Variants in NBEAL1 observed in about 807,000 individuals in gnomAD.
NBEAL1 encodes neurobeachin-like protein 1.
NBEAL1 carries 273 observed loss-of-function variants against 351.3 expected under a neutral mutation model. That is an observed-to-expected ratio of 0.78 (90% CI 0.70 to 0.86). The LOEUF (loss-of-function observed/expected upper bound fraction) is 0.86. Among genes scored for constraint, NBEAL1 ranks in the 40% least tolerant of loss-of-function variants. The pLI, the probability that NBEAL1 is intolerant of heterozygous loss-of-function variation, is 0.00. For missense variants in NBEAL1, 2,961 were observed against 3,201.3 expected, an observed-to-expected ratio of 0.92 and a Z score of 1.81; for synonymous variants, 1,050 against 1,086.4, an observed-to-expected ratio of 0.97 and a Z score of 0.66.
intron 10 of NBEAL1, among the ~76,000 whole-genome samples, chr2:203,096,344 C>T (rs2062184304): frequency 6.6e-6 from 1 of 152,134 alleles, no homozygotes; most frequent in East Asian, 1.9e-4. Flanking sequence ...TACCTCTATG[C>T]AGTTTATTTT....
chr2:203,114,043 C>T (rs934565998), intron 17 of NBEAL1, among the ~76,000 whole-genome samples: 3 of 152,046 alleles, frequency 2.0e-5, no homozygotes, highest in South Asian at 2.1e-4. Context: ...AGGATGGTCT[C>T]GATCTCCTGA....
At chr2:203,055,587 C>T (rs1465489448) in intron 4 of NBEAL1, among the ~76,000 whole-genome samples, 4 of 148,364 alleles carry the variant, frequency 2.7e-5, no homozygotes, top group East Asian at 2.1e-4. Flanking sequence ...TCTGGGCAAC[C>T]GAGCAAGATC....
chr2:203,098,572 T>A (rs1289621675), intron 11 of NBEAL1, among the ~76,000 whole-genome samples: 1 of 152,180 alleles, frequency 6.6e-6, no homozygotes, highest in African/African-American at 2.4e-5. Flanking sequence ...CATGTTCAGT[T>A]TTTTAATATT....
chr2:203,199,736 C>T (rs1362480367), intron 49 of NBEAL1, among the ~76,000 whole-genome samples: 2 of 152,016 alleles, frequency 1.3e-5, no homozygotes, highest in Non-Finnish European at 2.9e-5. Context: ...CCACCTCAGC[C>T]TCCCCAAGTG....
chr2:203,198,228 G>T (rs1261354102), intron 48 of NBEAL1, among the ~76,000 whole-genome samples: 1 of 151,622 alleles, frequency 6.6e-6, no homozygotes, highest in East Asian at 2.0e-4. Context: ...GCCCAGGTTG[G>T]TCTCAAACTC....
Position 203,193,841 on chromosome 2 carries a change from C to T in NBEAL1, c.6968C>T (p.Pro2323Leu). 1 of 1,612,700 alleles carries T rather than the reference C, an allele frequency of 6.2e-7. No individual in the cohort carries two copies. Among genetic ancestry groups the T allele is most frequent in the Non-Finnish European group, 8.5e-7 (1 of 1,179,270 alleles). The change falls in exon 47 of 56, where the codon CCA becomes CTA. Residue 2323 changes from proline (P) to leucine (L), a missense_variant. Pro to Leu is a moderately conservative substitution (Grantham distance 98). Transcript: ENST00000683969. The part of the protein sequence containing the change: ...RLSAEEAVQK[P>L]TKIDTSTLNL... ...TCAGCAGAAGAAGCAGTGCAGAAGC[C>T]AACCAAAATAGACACTTCAACCCTA...
chr2:203,018,290 T>C (rs2060713984), intron 2 of NBEAL1, among the ~76,000 whole-genome samples: 1 of 152,024 alleles, frequency 6.6e-6, no homozygotes, highest in Non-Finnish European at 1.5e-5. Context: ...TTTCACACTT[T>C]TAATGAGCTT....
At chr2:203,024,958 C>T (rs1007722654) in intron 2 of NBEAL1, among the ~76,000 whole-genome samples, 25 of 152,046 alleles carry the variant, frequency 1.6e-4, no homozygotes, top group African/African-American at 6.0e-4. Context: ...AATGCAAGTC[C>T]TTATATTATT....
Position 203,083,207 on chromosome 2 carries a change from C to T in NBEAL1, c.685-12C>T, listed in dbSNP as rs1329317720. The stretch of plus-strand genomic sequence containing the variant: ...GGTTTAGGTTTCATTTTTATTGTCT[C>T]TAATGTTTCAGAGGAATGCTTTGCA... On this transcript the variant is annotated splice_polypyrimidine_tract_variant and intron_variant, in intron 8 of 55. Coordinates refer to ENST00000683969, the MANE Select transcript of NBEAL1 (RefSeq NM_001378026.1). 6.5e-7 allele frequency: 1 copy of T among 1,544,970 alleles called. No homozygotes were observed. Among genetic ancestry groups the T allele is most frequent in the Non-Finnish European group, 8.7e-7 (1 of 1,143,698 alleles).
chr2:203,016,638 T>C (rs879348810), intron 2 of NBEAL1, among the ~76,000 whole-genome samples: 12 of 152,332 alleles, frequency 7.9e-5, no homozygotes, highest in Non-Finnish European at 1.3e-4. Context: ...TGTTAAAAAC[T>C]GTAGGGTGCG....
At chr2:203,138,549 G>A in intron 30 of NBEAL1, 71 bp from the exon 31 acceptor site, 1 of 1,435,446 alleles carries the variant, frequency 7.0e-7, no homozygotes, top group Non-Finnish European at 9.4e-7. Context: ...TATTAATGTT[G>A]GGGAAAATTG....
intron 33 of NBEAL1, among the ~76,000 whole-genome samples, chr2:203,147,972 T>C (rs2063552880): frequency 1.3e-5 from 2 of 152,068 alleles, no homozygotes; most frequent in Non-Finnish European, 1.5e-5. Context: ...TATCCTCATA[T>C]TATTGAACCT....
At chr2:203,188,165 A>G (rs1176628487) in intron 44 of NBEAL1, among the ~76,000 whole-genome samples, 1 of 152,094 alleles carries the variant, frequency 6.6e-6, no homozygotes, top group Admixed American at 6.6e-5. Context: ...TGCATTCCAT[A>G]TCTATCTTTT....
At position 203,197,209 on chromosome 2, in the gene NBEAL1, C is replaced by T. The variant is rs2065262082; in HGVS notation, c.7039-93C>T. ...TTCAAGAGAGTAAAATGATGTATCACAGGATTCATCCTTATTTAAAGAGAC... is the reference window on the plus strand; with the variant it reads ...TTCAAGAGAGTAAAATGATGTATCATAGGATTCATCCTTATTTAAAGAGAC... On this transcript the variant is annotated intron_variant, in intron 47 of 55. Transcript: ENST00000683969. 4 of 664,618 alleles carry T rather than the reference C, an allele frequency of 6.0e-6. No homozygotes were observed. The Admixed American group carries it at 8.0e-5, about 13-fold the overall frequency. The allele number at this position is 664,618 out of a possible 1,614,324, so 41.2% of individuals were successfully genotyped here.
chr2:203,221,583 A>C lies in NBEAL1; in HGVS notation c.*4229A>C, dbSNP rs1036156890. Among the ~76,000 whole-genome samples, 8 of 152,146 alleles carry C rather than the reference A, an allele frequency of 5.3e-5. No homozygotes were observed. Among genetic ancestry groups the C allele is most frequent in the Non-Finnish European group, 7.4e-5 (5 of 68,022 alleles). Reference sequence around the variant, plus strand: ...TTTGTTTGCATCATCAGCCATACTCATGGCTTATCCTACGCATTGTTCCTC... The same window carrying C: ...TTTGTTTGCATCATCAGCCATACTCCTGGCTTATCCTACGCATTGTTCCTC... On this transcript the variant is annotated 3_prime_UTR_variant, in exon 56 of 56. Coordinates refer to ENST00000683969, the MANE Select transcript of NBEAL1 (RefSeq NM_001378026.1).
chr2:203,041,732 A>G lies in NBEAL1; in HGVS notation c.52-33A>G, dbSNP rs975748492. The G allele has an allele frequency of 7.7e-6, 11 of 1,420,956 alleles. No individual in the cohort carries two copies. The Admixed American group carries it at 1.0e-4, about 13-fold the overall frequency. 88.0% of individuals were successfully genotyped at this position (1,420,956 alleles called of 1,614,324 possible). A position where few individuals can be genotyped will look rare whatever the true frequency, so the allele number is the denominator to read the frequency against. On this transcript the variant is annotated intron_variant, in intron 2 of 55. Transcript: ENST00000683969. The stretch of plus-strand genomic sequence containing the variant: ...AAGCATTTTTTTTTTCCTGATAGGC[A>G]TACTTAATATTATAATGGTTTTGTT...
At chr2:203,209,114 G>C (rs369842755) in intron 52 of NBEAL1, 47 bp from the exon 53 acceptor site, 4 of 1,478,514 alleles carry the variant, frequency 2.7e-6, no homozygotes, top group African/African-American at 1.4e-5. Context: ...CTTTTTTGCT[G>C]TTCTTTTCCT....
intron 42 of NBEAL1, among the ~76,000 whole-genome samples, chr2:203,178,450 A>AT (rs2064593441): frequency 6.6e-6 from 1 of 152,172 alleles, no homozygotes. Flanking sequence ...TACAGGCGTG[A>AT]GCCACCTCAC....
chr2:203,034,613 C>T (rs2061012350), intron 2 of NBEAL1, among the ~76,000 whole-genome samples: 1 of 148,204 alleles, frequency 6.7e-6, no homozygotes. Flanking sequence ...CATGCACCAC[C>T]ACTCCTAATT....
Sources: allele counts gnomAD v4.1 joint callset (sites outside exome capture counted in the v4.1 genomes callset), GRCh38; gene constraint gnomAD v4.1.1; transcripts MANE v1.5; gene names NCBI Gene and HGNC (gene_info 2026-07-23, HGNC 2026-07-21).